Variants in CRYL1 observed in about 807,000 individuals in gnomAD.
CRYL1 encodes the protein crystallin lambda 1.
CRYL1 carries 29 observed loss-of-function variants against 36.6 expected under a neutral mutation model. The ratio of observed to expected loss-of-function variants is 0.79; its 90% CI spans 0.59 to 1.08. The LOEUF is 1.08. Ranked by LOEUF, CRYL1 falls within the 50% of genes least tolerant of loss-of-function variation. The probability of loss-of-function intolerance (pLI) is 0.00; values close to 1 mark genes in which losing one functional copy is unlikely to be tolerated. For synonymous variants in CRYL1, 152 were observed against 151.5 expected, an observed-to-expected ratio of 1.00 and a Z score of -0.02; for missense variants, 411 against 407.9, an observed-to-expected ratio of 1.01 and a Z score of -0.06.
At chr13:20,514,870 C>T (rs2033974070) in intron 1 of CRYL1, among the ~76,000 whole-genome samples, 1 of 151,992 alleles carries the variant, frequency 6.6e-6, no homozygotes, top group Non-Finnish European at 1.5e-5. Context: ...AACAGCAGTT[C>T]CATTCCTAGG....
At position 20,413,299 on chromosome 13, in the gene CRYL1, A is replaced by G. The variant is rs1046790306; in HGVS notation, c.722T>C (p.Met241Thr). ...ATGCATACCTTCTGCATTGAGATGC[A>G]TGGTTTCCAGGGGTCCAATGAATGC... is the stretch of plus-strand genomic sequence containing the variant. ...RYAFIGPLETMHLNAEGMLSY... is the reference protein window; with the variant it reads ...RYAFIGPLETTHLNAEGMLSY... The change falls in exon 6 of 8, where the codon ATG (methionine) becomes ACG (threonine). Residue 241 changes from methionine to threonine, a missense_variant. Transcript: ENST00000298248. The G allele has an allele frequency of 1.9e-6, 3 of 1,612,038 alleles. No homozygotes were observed. The highest frequency in any genetic ancestry group is 2.7e-5 in the African/African-American group (2 of 74,988).
chr13:20,491,356 A>G (rs1278607660), intron 2 of CRYL1, among the ~76,000 whole-genome samples: 1 of 152,228 alleles, frequency 6.6e-6, no homozygotes, highest in Admixed American at 6.5e-5. Context: ...AATTATAAGG[A>G]CAAACATACT....
chr13:20,477,444 G>T (rs1017309249), intron 3 of CRYL1, among the ~76,000 whole-genome samples: 1 of 151,004 alleles, frequency 6.6e-6, no homozygotes, highest in Non-Finnish European at 1.5e-5. Context: ...CCTGAGGTGT[G>T]CAGGCAACAA....
chr13:20,525,822 G>A lies in CRYL1; in HGVS notation c.-28C>T. ...TTGGGCCGGGGACGCGGCGCCGCGG[G>A]CGCTGGGACCAGGCGCCGGCGGAGC... On this transcript the variant is annotated 5_prime_UTR_variant, in exon 1 of 8. Coordinates refer to ENST00000298248, the MANE Select transcript of CRYL1 (RefSeq NM_015974.3). The surrounding 1 kb of genome is among the most constrained non-coding windows in gnomAD (Gnocchi z 4.3). 7.3e-6 allele frequency: 9 copies of A among 1,226,756 alleles called. No individual in the cohort carries two copies. Among genetic ancestry groups the A allele is most frequent in the Non-Finnish European group, 9.1e-6 (9 of 983,732 alleles). The allele number at this position is 1,226,756 out of a possible 1,614,324, so 76.0% of individuals were successfully genotyped here.
chr13:20,416,553 C>T (rs1041752575), intron 5 of CRYL1, among the ~76,000 whole-genome samples: 1 of 152,088 alleles, frequency 6.6e-6, no homozygotes, highest in Non-Finnish European at 1.5e-5. Context: ...GGCCTGCAGT[C>T]GCTCCCTCAC....
intron 3 of CRYL1, among the ~76,000 whole-genome samples, chr13:20,486,644 C>G (rs772805686): frequency 1.3e-5 from 2 of 152,188 alleles, no homozygotes; most frequent in African/African-American, 2.4e-5. Context: ...TTTACATCAT[C>G]TTTCTCTAGT....
chr13:20,490,530 A>T (rs2033488973), intron 2 of CRYL1, among the ~76,000 whole-genome samples: 1 of 152,198 alleles, frequency 6.6e-6, no homozygotes, highest in South Asian at 2.1e-4. Flanking sequence ...AATGATGGCG[A>T]TGGTAGCACA....
chr13:20,469,461 C>G (rs4770038), intron 3 of CRYL1, among the ~76,000 whole-genome samples: 2 of 152,038 alleles, frequency 1.3e-5, no homozygotes, highest in East Asian at 3.8e-4. Context: ...ATTTACCAGT[C>G]AGGATGCTTT....
At chr13:20,430,785 C>A (rs1045535557) in intron 5 of CRYL1, 1 of 985,280 alleles carries the variant, frequency 1.0e-6, no homozygotes, top group Non-Finnish European at 1.2e-6. Context: ...AGGTTTAATT[C>A]AACAAGTGAA....
At chr13:20,444,289 A>T (rs1213108100) in intron 3 of CRYL1, among the ~76,000 whole-genome samples, 4 of 152,368 alleles carry the variant, frequency 2.6e-5, no homozygotes, top group Non-Finnish European at 4.4e-5. Flanking sequence ...TTTTAATTAA[A>T]TAAAAGCATA....
chr13:20,502,348 C>G (rs1228869819), intron 2 of CRYL1: 2 of 152,688 alleles, frequency 1.3e-5, no homozygotes, highest in African/African-American at 4.8e-5. Context: ...GCTTCCCCCT[C>G]CTCACTCAGG....
At chr13:20,523,765 C>A (rs1397587206) in intron 1 of CRYL1, among the ~76,000 whole-genome samples, 1 of 151,972 alleles carries the variant, frequency 6.6e-6, no homozygotes, top group African/African-American at 2.4e-5. Flanking sequence ...AAGCAGAGGC[C>A]CCAGAGAATT....
At chr13:20,461,550 C>A (rs956865206) in intron 3 of CRYL1, among the ~76,000 whole-genome samples, 5 of 152,134 alleles carry the variant, frequency 3.3e-5, no homozygotes, top group Non-Finnish European at 5.9e-5. Flanking sequence ...GCAGGAGGCT[C>A]CAGAGCTGGG....
intron 3 of CRYL1, among the ~76,000 whole-genome samples, chr13:20,451,385 T>G (rs1227176293): frequency 2.0e-5 from 3 of 152,074 alleles, no homozygotes; most frequent in African/African-American, 7.2e-5. Flanking sequence ...TATTCACAAA[T>G]TATTCATTCA....
chr13:20,446,468 A>C (rs2032458935), intron 3 of CRYL1, among the ~76,000 whole-genome samples: 1 of 152,192 alleles, frequency 6.6e-6, no homozygotes, highest in South Asian at 2.1e-4. Context: ...AAAAAAGGAA[A>C]AGGCCCCCAC....
intron 5 of CRYL1, among the ~76,000 whole-genome samples, chr13:20,416,414 C>T (rs557156585): frequency 4.7e-4 from 71 of 152,334 alleles, no homozygotes; most frequent in African/African-American, 1.6e-3. Flanking sequence ...ATTGTCGCCT[C>T]CTCTCCCTGG....
rs1366428108 is a variant in CRYL1 at position 20,404,882 on chromosome 13, G to GGCC, written c.740-142_740-141insGGC. ...TCCCTCCCTGTGAAGACAAGACAGA[G>GGCC]CTGGGGCATGTGTAAGGGCCTGCTG... On this transcript the variant is annotated intron_variant, in intron 6 of 7. Coordinates refer to ENST00000298248, the MANE Select transcript of CRYL1 (RefSeq NM_015974.3). 1.5e-5 allele frequency: 10 copies of GGCC among 652,812 alleles called. No individual in the cohort carries two copies. In the East Asian group the frequency reaches 2.6e-4, roughly 17 times the overall value. 40.4% of individuals were successfully genotyped at this position (652,812 alleles called of 1,614,324 possible). A position where few individuals can be genotyped will look rare whatever the true frequency, so the allele number is the denominator to read the frequency against.
In CRYL1 at chr13:20,404,179, C is replaced by T. The variant is rs200052140; in HGVS notation, c.910G>A (p.Glu304Lys). 126 of 1,614,022 alleles carry T rather than the reference C, an allele frequency of 7.8e-5. No individual in the cohort carries two copies. Among genetic ancestry groups the T allele is most frequent in the East Asian group, 4.0e-4 (18 of 44,882 alleles). ...HLAARRQWRD[E>K]CLMRLAKLKS... ...AACTTGGCGAGTCTCATGAGGCACTCGTCCCTCCACTGCCTCCTGGCAGCT... is the reference window on the plus strand; with the variant it reads ...AACTTGGCGAGTCTCATGAGGCACTTGTCCCTCCACTGCCTCCTGGCAGCT... The change falls in exon 8 of 8, where the codon GAG (glutamate) becomes AAG (lysine). Residue 304 changes from glutamate (E) to lysine (K), a missense_variant. Glu to Lys is a moderately conservative substitution (Grantham distance 56). Transcript: ENST00000298248.
Position 20,432,312 on chromosome 13 carries a change from G to C in CRYL1, c.439-16C>G. On this transcript the variant is annotated splice_polypyrimidine_tract_variant and intron_variant, in intron 4 of 7. Coordinates refer to ENST00000298248, the MANE Select transcript of CRYL1 (RefSeq NM_015974.3). ...GCGGATTCACCTTAGGAGAGAGAGA[G>C]AAGTGGGGGAGTCAAGGAGATGATC... 1 of 1,583,050 alleles carries C rather than the reference G, an allele frequency of 6.3e-7. No individual in the cohort carries two copies.
Sources: allele counts gnomAD v4.1 joint callset (sites outside exome capture counted in the v4.1 genomes callset), GRCh38; gene constraint gnomAD v4.1.1; non-coding constraint Gnocchi (gnomAD v3.1); transcripts MANE v1.5; gene names NCBI Gene and HGNC (gene_info 2026-07-23, HGNC 2026-07-21).